KNDC1: variants seen among roughly 807,000 people sequenced by gnomAD.
KNDC1 encodes the protein kinase non-catalytic C-lobe domain-containing protein 1.
KNDC1 carries 106 observed loss-of-function variants against 172.8 expected under a neutral mutation model. The observed-to-expected ratio is 0.61, with a 90% CI of 0.52 to 0.72. KNDC1 has a LOEUF of 0.72. Among genes scored for constraint, KNDC1 ranks in the 30% least tolerant of loss-of-function variants. The pLI is 0.00. For missense variants in KNDC1, 2,325 were observed against 2,394.5 expected (o/e 0.97, Z 0.61); for synonymous variants, 1,083 against 1,062.2 (o/e 1.02, Z -0.38).
rs1285736853 is a variant in KNDC1, at chr10:133,162,142, G to A, written c.102+1573G>A. Among the ~76,000 whole-genome samples, 3 of 152,204 alleles carry A rather than the reference G, an allele frequency of 2.0e-5. No individual in the cohort carries two copies. The East Asian group carries it at 5.8e-4, about 29-fold the overall frequency. ...AGCGTGCAGTGGGAACGTTCAGGTG[G>A]GCCCTTCGCAGACACTCCTGGAAAG... On this transcript the variant is annotated intron_variant, in intron 1 of 29. Coordinates refer to ENST00000304613, the MANE Select transcript of KNDC1 (RefSeq NM_152643.8).
At chr10:133,206,571 C>G in intron 17 of KNDC1, 114 bp from the exon 18 acceptor site, 1 of 856,116 alleles carries the variant, frequency 1.2e-6, no homozygotes, top group Non-Finnish European at 2.0e-6. Context: ...TGGGACCCTG[C>G]CCTGCAGCTG....
chr10:133,184,386 G>A (rs905893657), intron 5 of KNDC1, among the ~76,000 whole-genome samples: 12 of 113,898 alleles, frequency 1.1e-4, no homozygotes, highest in Admixed American at 3.7e-4. Context: ...CACATGCTGC[G>A]CACACACACG....
chr10:133,219,624 G>A (rs1474286282), intron 28 of KNDC1, among the ~76,000 whole-genome samples: 1 of 152,216 alleles, frequency 6.6e-6, no homozygotes, highest in Non-Finnish European at 1.5e-5. Context: ...GCTCTGGTCA[G>A]CCGGGGTCTC....
rs1473993751 is a variant in KNDC1 at position 133,213,997 on chromosome 10, G to A, written c.4552G>A (p.Ala1518Thr). The change falls in exon 26 of 30, where the codon GCC (alanine) becomes ACC (threonine). Residue 1518 changes from alanine to threonine, a missense_variant. Transcript: ENST00000304613. Reference protein sequence around the residue: ...PKASSSESLSAKTCSLFLPNY... With the variant: ...PKASSSESLSTKTCSLFLPNY... ...AGCCAGCTCTTCTGAGTCTCTTTCG[G>A]CCAAAACCTGCAGCTTATTTCTGCC... 6.2e-7 allele frequency: 1 copy of A among 1,614,168 alleles called. No individual in the cohort carries two copies. Among genetic ancestry groups the A allele is most frequent in the Admixed American group, 1.7e-5 (1 of 60,028 alleles).
chr10:133,214,038 C>T lies in KNDC1; in HGVS notation c.4593C>T (p.Asp1531=). 1 of 1,614,184 alleles carries T rather than the reference C, an allele frequency of 6.2e-7. No individual in the cohort carries two copies. Among genetic ancestry groups the T allele is most frequent in the South Asian group, 1.1e-5 (1 of 91,084 alleles). The change falls in exon 26 of 30, where the codon GAC becomes GAT. Residue 1531 remains aspartate, a synonymous_variant. Coordinates refer to ENST00000304613, the MANE Select transcript of KNDC1 (RefSeq NM_152643.8). The stretch of plus-strand genomic sequence containing the variant: ...TATTTCTGCCCAATTACGTTCAGGA[C>T]AAGTATCTGTTACAGCTTCTAAGAA... ...CSLFLPNYVQ[D]KYLLQLLRNA...
chr10:133,179,573 A>G (rs1591232900), intron 3 of KNDC1, among the ~76,000 whole-genome samples: 4 of 152,260 alleles, frequency 2.6e-5, no homozygotes, highest in Admixed American at 2.6e-4. Flanking sequence ...TTCAGTTTGG[A>G]GAAAAACTTC....
At chr10:133,178,475 C>T (rs879835628) in intron 3 of KNDC1, among the ~76,000 whole-genome samples, 10 of 152,158 alleles carry the variant, frequency 6.6e-5, no homozygotes, top group African/African-American at 1.4e-4. Context: ...CGGATTTACC[C>T]GAAAAGATCA....
chr10:133,199,772 C>T (rs1854309311), intron 15 of KNDC1, among the ~76,000 whole-genome samples, 170 bp downstream of exon 15: 1 of 152,150 alleles, frequency 6.6e-6, no homozygotes, highest in African/African-American at 2.4e-5. Context: ...CCCAGCAGCC[C>T]CTCCTTGGGC....
intron 17 of KNDC1, among the ~76,000 whole-genome samples, chr10:133,205,115 C>T (rs1024435741): frequency 2.0e-5 from 3 of 152,200 alleles, no homozygotes; most frequent in East Asian, 3.9e-4. Flanking sequence ...AGGGAAGGGC[C>T]GTCTCTGGGG....
chr10:133,186,120 C>A lies in KNDC1; in HGVS notation c.772C>A (p.Pro258Thr). 1 of 1,598,414 alleles carries A rather than the reference C, an allele frequency of 6.3e-7. No homozygotes were observed. ...SETSRGPRASPTKALLSTPVR... is the reference protein window; with the variant it reads ...SETSRGPRASTTKALLSTPVR... The stretch of plus-strand genomic sequence containing the variant: ...GACGAGCCGGGGCCCCAGAGCCTCC[C>A]CAACCAAGGCTCTGCTGTCCACCCC... Residue 258 changes from proline (P) to threonine (T), a missense_variant, in exon 6 of 30, where the codon CCA (proline) becomes ACA (threonine). Transcript: ENST00000304613.
At chr10:133,160,632 G>C in intron 1 of KNDC1, 63 bp downstream of exon 1, 2 of 1,217,584 alleles carry the variant, frequency 1.6e-6, no homozygotes, top group Non-Finnish European at 2.3e-6. Flanking sequence ...AGAGCGCCCG[G>C]GGGGAGGACC....
At chr10:133,169,651 C>T (rs1208492474) in intron 3 of KNDC1, among the ~76,000 whole-genome samples, 2 of 152,276 alleles carry the variant, frequency 1.3e-5, no homozygotes, top group East Asian at 3.9e-4. Context: ...GGCCTGGTGG[C>T]CGTGACGCGG....
chr10:133,223,934 CGTGT>C (rs369555856), intron 29 of KNDC1, among the ~76,000 whole-genome samples: 70 of 97,558 alleles, frequency 7.2e-4, no homozygotes, highest in Non-Finnish European at 8.9e-4. Flanking sequence ...CTCTTCCCGG[CGTGT>C]GTGTGTGTGT....
chr10:133,198,594 GC>G lies in KNDC1; in HGVS notation c.2089del (p.Gln697ArgfsTer30), dbSNP rs757136969. 6.3e-6 allele frequency: 10 copies of G among 1,595,080 alleles called. No individual in the cohort carries two copies. Among genetic ancestry groups the G allele is most frequent in the Non-Finnish European group, 8.5e-6 (10 of 1,169,998 alleles). On this transcript the variant is annotated frameshift_variant, in exon 14 of 30. Coordinates refer to ENST00000304613, the MANE Select transcript of KNDC1 (RefSeq NM_152643.8). LOFTEE classifies it high-confidence loss of function. Reference protein sequence around the residue: ...ASVARDQPALAQEESEERGGQ... With the variant: ...ASVARDQPALXQEESEERGGQ... ...CTCCCGTAGGGACCAGCCTGCCTTG[GC>G]CCAGGAGGAGTCCGAGGAGAGGGGC...
chr10:133,211,283 G>C (rs1845357020), intron 21 of KNDC1, 139 bp from the exon 22 acceptor site: 1 of 727,140 alleles, frequency 1.4e-6, no homozygotes, highest in Non-Finnish European at 2.2e-6. Context: ...ACCCACGGAA[G>C]ACCCCCAGCC....
chr10:133,223,994 TGAGA>T (rs1192759813), intron 29 of KNDC1, among the ~76,000 whole-genome samples: 1 of 130,346 alleles, frequency 7.7e-6, no homozygotes, highest in Non-Finnish European at 1.6e-5. Flanking sequence ...TGTGTGTGTG[TGAGA>T]GAGCCCATCC....
At chr10:133,205,686 A>C (rs947886003) in intron 17 of KNDC1, among the ~76,000 whole-genome samples, 1 of 152,148 alleles carries the variant, frequency 6.6e-6, no homozygotes, top group Non-Finnish European at 1.5e-5. Flanking sequence ...AAAGAAAGGC[A>C]AGGCTGGTGC....
chr10:133,216,983 TCA>T, intron 26 of KNDC1, among the ~76,000 whole-genome samples: 1 of 152,350 alleles, frequency 6.6e-6, no homozygotes, highest in South Asian at 2.1e-4. Context: ...GGCGCAAGAT[TCA>T]CGGAGACAAA....
intron 15 of KNDC1, 106 bp downstream of exon 15, chr10:133,199,708 T>A: frequency 7.9e-7 from 1 of 1,272,744 alleles, no homozygotes; most frequent in Non-Finnish European, 1.1e-6. Flanking sequence ...ACCCTCCGCT[T>A]CCATCTCGCT....
Sources: allele counts gnomAD v4.1 joint callset (sites outside exome capture counted in the v4.1 genomes callset), GRCh38; gene constraint gnomAD v4.1.1; transcripts MANE v1.5; gene names NCBI Gene and HGNC (gene_info 2026-07-23, HGNC 2026-07-21).